CDKN2B-AS1: variants seen among roughly 807,000 people sequenced by gnomAD.
CDKN2B-AS1 encodes CDKN2B and CDKN2A antisense cis and trans regulatory RNA 1, also known as CDKN2B antisense RNA 1 (non-protein coding).
intron 1 of CDKN2B-AS1, among the ~76,000 whole-genome samples, chr9:22,034,977 A>G (rs766728580): frequency 2.0e-4 from 30 of 152,126 alleles, no homozygotes; most frequent in Non-Finnish European, 3.7e-4. Context: ...TTTAATTTAG[A>G]TTTGATGTAG....
At position 21,997,143 on chromosome 9, in the gene CDKN2B-AS1, T is replaced by G. The variant is rs973697211; in HGVS notation, n.29+1982T>G. On this transcript the variant is annotated intron_variant and non_coding_transcript_variant, in intron 1 of 4. Coordinates refer to ENST00000650946, the Ensembl canonical transcript of CDKN2B-AS1. The surrounding 1 kb of genome is among the most constrained non-coding windows in gnomAD (Gnocchi z 4.8). ...GGTATAGTCTATTATACATCTAGGC[T>G]GTATGGTATGGGCTATTGCTCCTAG... is the stretch of plus-strand genomic sequence containing the variant. Among the ~76,000 whole-genome samples, 1 of 152,206 alleles carries G rather than the reference T, an allele frequency of 6.6e-6. No homozygotes were observed. The highest frequency in any genetic ancestry group is 1.5e-5 in the Non-Finnish European group (1 of 68,040).
chr9:22,005,885 T>C lies in CDKN2B-AS1; in HGVS notation n.29+10724T>C. 1 of 1,484,124 alleles carries C rather than the reference T, an allele frequency of 6.7e-7. No homozygotes were observed. Among genetic ancestry groups the C allele is most frequent in the Non-Finnish European group, 9.1e-7 (1 of 1,098,038 alleles). 91.9% of individuals were successfully genotyped at this position (1,484,124 alleles called of 1,614,324 possible). A position where few individuals can be genotyped will look rare whatever the true frequency, so the allele number is the denominator to read the frequency against. On this transcript the variant is annotated intron_variant and non_coding_transcript_variant, in intron 1 of 4. Transcript: ENST00000650946. This position sits in a 1 kb window ranked among gnomAD's most constrained non-coding sequence, Gnocchi z 4.9. Reference sequence around the variant, plus strand: ...CAGACAGGCTTGCAGGCTTACAGGCTTTCCGCCGCTCCCCGTTGGCAGCCT... The same window carrying C: ...CAGACAGGCTTGCAGGCTTACAGGCCTTCCGCCGCTCCCCGTTGGCAGCCT...
intron 4 of CDKN2B-AS1, among the ~76,000 whole-genome samples, chr9:22,060,167 G>C (rs1823755554): frequency 1.3e-5 from 2 of 152,182 alleles, no homozygotes; most frequent in Non-Finnish European, 2.9e-5. Flanking sequence ...CCCAGAAAAT[G>C]GGTTTTTCTT....
At chr9:22,041,941 G>A (rs1822913784) in intron 1 of CDKN2B-AS1, among the ~76,000 whole-genome samples, 2 of 152,016 alleles carry the variant, frequency 1.3e-5, no homozygotes, top group African/African-American at 4.8e-5. Flanking sequence ...ATTCCATGGT[G>A]GATAATTAGA....
intron 1 of CDKN2B-AS1, chr9:22,004,015 A>G (rs990475994): frequency 1.7e-5 from 4 of 232,524 alleles, no homozygotes; most frequent in Admixed American, 1.7e-4. Flanking sequence ...CATGGAATGA[A>G]TATCTTGTAA....
chr9:22,088,441 G>GCA (rs3222818), intron 4 of CDKN2B-AS1, among the ~76,000 whole-genome samples: 14,295 of 149,824 alleles, frequency 0.095, 946 homozygotes, highest in Non-Finnish European at 0.15. Context: ...AAATGTGCAA[G>GCA]CACACACACA....
Position 22,077,068 on chromosome 9 carries a change from A to G in CDKN2B-AS1, n.438+20681A>G, listed in dbSNP as rs567775651. Among the ~76,000 whole-genome samples, 35 of 152,284 alleles carry G rather than the reference A, an allele frequency of 2.3e-4. 1 individual carries two copies. In the South Asian group the frequency reaches 7.2e-3, roughly 32 times the overall value. On this transcript the variant is annotated intron_variant and non_coding_transcript_variant, in intron 4 of 4. Transcript: ENST00000650946. ...TCATCCTACATATTTGCTACTTTGTATCCTTTGAGGTACATCTACCCATTT... is the reference window on the plus strand; with the variant it reads ...TCATCCTACATATTTGCTACTTTGTGTCCTTTGAGGTACATCTACCCATTT...
rs745962803 is a variant in CDKN2B-AS1, at chr9:22,039,229, TTAA to T, written n.30-7519_30-7517del. On this transcript the variant is annotated intron_variant and non_coding_transcript_variant, in intron 1 of 4. Coordinates refer to ENST00000650946, the Ensembl canonical transcript of CDKN2B-AS1. This position sits in a 1 kb window ranked among gnomAD's most constrained non-coding sequence, Gnocchi z 4.4. ...TTGTTGCTCGGTGGAACTAGAATCATTAATATCTCAGTCAGGGGAAGCCATGTC... is the reference window on the plus strand; with the variant it reads ...TTGTTGCTCGGTGGAACTAGAATCATTATCTCAGTCAGGGGAAGCCATGTC... Among the ~76,000 whole-genome samples the T allele has an allele frequency of 2.6e-5, 4 of 152,148 alleles. No individual in the cohort carries two copies. The South Asian group carries it at 8.3e-4, about 32-fold the overall frequency.
chr9:22,108,945 TA>T (rs202049593), intron 4 of CDKN2B-AS1, among the ~76,000 whole-genome samples: 6 of 151,918 alleles, frequency 3.9e-5, no homozygotes, highest in African/African-American at 1.2e-4. Context: ...CAAAACAAAA[TA>T]AAAAAAACCC....
intron 4 of CDKN2B-AS1, among the ~76,000 whole-genome samples, chr9:22,121,429 A>G (rs924637217): frequency 2.0e-5 from 3 of 152,086 alleles, no homozygotes; most frequent in Non-Finnish European, 4.4e-5. Context: ...TATATAATGT[A>G]TAGTGATCAG....
chr9:22,107,905 C>T (rs1452356344), intron 4 of CDKN2B-AS1, among the ~76,000 whole-genome samples: 1 of 152,158 alleles, frequency 6.6e-6, no homozygotes, highest in African/African-American at 2.4e-5. Context: ...TTCTACATCT[C>T]AGATAAAGAA....
chr9:22,044,319 C>A (rs770564099), intron 1 of CDKN2B-AS1, among the ~76,000 whole-genome samples: 72 of 151,852 alleles, frequency 4.7e-4, no homozygotes, highest in Non-Finnish European at 6.3e-4. Flanking sequence ...AGTAGAATAT[C>A]CTAGTAGGAT....
intron 4 of CDKN2B-AS1, among the ~76,000 whole-genome samples, chr9:22,058,036 G>GA (rs1210194222): frequency 3.6e-5 from 2 of 55,302 alleles, no homozygotes; most frequent in East Asian, 1.2e-3. Context: ...AGATTTGCTT[G>GA]AAAAAAAATT....
intron 1 of CDKN2B-AS1, among the ~76,000 whole-genome samples, chr9:22,010,243 T>C (rs1036696509): frequency 3.9e-5 from 6 of 152,330 alleles, no homozygotes; most frequent in Admixed American, 2.6e-4. Flanking sequence ...GTGCTTTTTT[T>C]CCCCTTCCTA....
At chr9:22,068,130 G>A (rs1824138913) in intron 4 of CDKN2B-AS1, among the ~76,000 whole-genome samples, 1 of 152,042 alleles carries the variant, frequency 6.6e-6, no homozygotes, top group Non-Finnish European at 1.5e-5. Flanking sequence ...CTCTTTCTCA[G>A]AGATCTCCCT....
rs1822807436 is a variant in CDKN2B-AS1, at chr9:22,039,228, A to G, written n.30-7523A>G. On this transcript the variant is annotated intron_variant and non_coding_transcript_variant, in intron 1 of 4. Transcript: ENST00000650946. The surrounding 1 kb of genome is among the most constrained non-coding windows in gnomAD (Gnocchi z 4.4). ...TTTGTTGCTCGGTGGAACTAGAATC[A>G]TTAATATCTCAGTCAGGGGAAGCCA... 6.6e-6 allele frequency among the ~76,000 whole-genome samples: 1 copy of G among 152,040 alleles called. No homozygotes were observed.
At chr9:22,009,248 G>A (rs1489199206) in intron 1 of CDKN2B-AS1, 1 of 550,332 alleles carries the variant, frequency 1.8e-6, no homozygotes, top group Non-Finnish European at 3.3e-6. Context: ...AGCCGCTCTG[G>A]CCGCAGGGTG....
In CDKN2B-AS1 at chr9:22,069,581, G is replaced by A. The variant is rs7042970; in HGVS notation, n.438+13194G>A. 2.0e-3 allele frequency among the ~76,000 whole-genome samples: 302 copies of A among 152,100 alleles called. 4 individuals are homozygous for A. Among genetic ancestry groups the A allele is most frequent in the African/African-American group, 6.9e-3 (285 of 41,484 alleles). On this transcript the variant is annotated intron_variant and non_coding_transcript_variant, in intron 4 of 4. Coordinates refer to ENST00000650946, the Ensembl canonical transcript of CDKN2B-AS1. ...ATTATGGGATACAATTTGATGGTTC[G>A]ATACATTTTTATGTTGTATAATAAT...
chr9:22,065,111 C>G (rs1179982067), intron 4 of CDKN2B-AS1, among the ~76,000 whole-genome samples: 13 of 152,182 alleles, frequency 8.5e-5, no homozygotes, highest in Non-Finnish European at 4.4e-5. Context: ...TGGGCTGATT[C>G]TCTCTAGTGA....
Sources: gnomAD v4.1 joint callset for allele counts (sites outside exome capture counted in the v4.1 genomes callset) on GRCh38, gnomAD v4.1.1 for gene constraint, Gnocchi (gnomAD v3.1) non-coding constraint, MANE v1.5 for transcripts, NCBI Gene and HGNC (gene_info 2026-07-23, HGNC 2026-07-21) for gene names.